The following POU6F1 variants were observed in gnomAD, a reference collection of about 807,000 sequenced individuals.
The protein encoded by POU6F1 is POU class 6 homeobox 1.
In POU6F1, 9 loss-of-function variants were observed where a neutral mutation model predicts 28.9. The ratio of observed to expected loss-of-function variants is 0.31; its 90% CI spans 0.19 to 0.54. The LOEUF is 0.54. Ranked by LOEUF, POU6F1 falls within the 20% of genes least tolerant of loss-of-function variation. POU6F1 has a pLI of 0.94. For synonymous variants in POU6F1, 173 were observed against 171.1 expected, an observed-to-expected ratio of 1.01 and a Z score of -0.09; for missense variants, 338 against 426.1, an observed-to-expected ratio of 0.79 and a Z score of 1.82.
At position 51,196,247 on chromosome 12, in the gene POU6F1, C is replaced by A. The variant is rs1010571159; in HGVS notation, c.976-74G>T. On this transcript the variant is annotated intron_variant, in intron 7 of 10. Coordinates refer to ENST00000333640, the MANE Select transcript of POU6F1 (RefSeq NM_001330422.2). ...TCCACCCCAAACCCAGATCCCCACA[C>A]CACCAGGGGAACAGACTAATGGACA... The A allele has an allele frequency of 1.9e-5, 24 of 1,236,162 alleles. No homozygotes were observed. In the Admixed American group the frequency reaches 7.1e-4, roughly 37 times the overall value. The allele number at this position is 1,236,162 out of a possible 1,614,324, so 76.6% of individuals were successfully genotyped here.
intron 3 of POU6F1, chr12:51,201,652 G>A (rs1380065719): frequency 1.3e-5 from 2 of 152,018 alleles, no homozygotes. Flanking sequence ...AAATGGGAAA[G>A]TGACAAACAT....
rs1042831360 is a variant in POU6F1, at chr12:51,190,625, G to C, written c.1491-33C>G. On this transcript the variant is annotated intron_variant, in intron 10 of 10. Transcript: ENST00000333640. The surrounding 1 kb of genome is among the most constrained non-coding windows in gnomAD (Gnocchi z 4.5). The stretch of plus-strand genomic sequence containing the variant: ...CAACCCATACCCAGGAAGAGGCAGT[G>C]AGAGCATGTTGGTCTCTTTGGCACA... 1 of 1,603,004 alleles carries C rather than the reference G, an allele frequency of 6.2e-7. No individual in the cohort carries two copies. The highest frequency in any genetic ancestry group is 1.3e-5 in the African/African-American group (1 of 74,646).
In POU6F1 at chr12:51,195,855, G is replaced by A. The variant is rs549079050; in HGVS notation, c.1179+115C>T. 3.5e-5 allele frequency: 42 copies of A among 1,210,264 alleles called. 1 individual carries two copies. The highest frequency in any genetic ancestry group is 1.7e-4 in the South Asian group (11 of 65,074). 75.0% of individuals were successfully genotyped at this position (1,210,264 alleles called of 1,614,324 possible). Reference sequence around the variant, plus strand: ...TGGGACCTCCCCCACTTTAGGAAGCGCCCTGCACTCCCAGGAGTTTCAGAA... The same window carrying A: ...TGGGACCTCCCCCACTTTAGGAAGCACCCTGCACTCCCAGGAGTTTCAGAA... On this transcript the variant is annotated intron_variant, in intron 8 of 10. Transcript: ENST00000333640.
At chr12:51,193,950 A>G (rs962412546) in intron 8 of POU6F1, among the ~76,000 whole-genome samples, 1 of 152,270 alleles carries the variant, frequency 6.6e-6, no homozygotes, top group East Asian at 1.9e-4. Flanking sequence ...CCTTTGACTT[A>G]GTTCAGAGCT....
At chr12:51,198,835 C>T (rs764537511) in intron 4 of POU6F1, 60 bp from the exon 5 acceptor site, 8 of 398,232 alleles carry the variant, frequency 2.0e-5, no homozygotes, top group East Asian at 3.6e-5. Flanking sequence ...ACATTGACAG[C>T]GCAAACACTG....
At chr12:51,196,776 C>G (rs777698039) in intron 7 of POU6F1, 23 bp downstream of exon 7, 7 of 1,613,314 alleles carry the variant, frequency 4.3e-6, no homozygotes, top group Non-Finnish European at 5.9e-6. Flanking sequence ...CCCCACCCTC[C>G]AGCCCTGTCT....
At chr12:51,211,889 G>C (rs1241911016) in intron 1 of POU6F1, among the ~76,000 whole-genome samples, 1 of 152,134 alleles carries the variant, frequency 6.6e-6, no homozygotes. Context: ...TTCAGCGGGG[G>C]AGAATGAGCT....
chr12:51,191,914 C>T, intron 9 of POU6F1, 150 bp from the exon 10 acceptor site: 1 of 1,018,740 alleles, frequency 9.8e-7, no homozygotes. Context: ...CACCTTTGTC[C>T]CCAAGACAAG....
At chr12:51,214,248 T>G (rs556377761) in intron 1 of POU6F1, among the ~76,000 whole-genome samples, 1 of 152,252 alleles carries the variant, frequency 6.6e-6, no homozygotes, top group East Asian at 1.9e-4. Context: ...ATCATGTAAA[T>G]GAAATGCTTA....
chr12:51,201,412 C>T (rs1048701817), intron 3 of POU6F1, among the ~76,000 whole-genome samples: 5 of 151,892 alleles, frequency 3.3e-5, no homozygotes, highest in South Asian at 2.1e-4. Context: ...TGCAGTAGCC[C>T]ACGCCTGTAA....
At chr12:51,194,052 A>T (rs576472533) in intron 8 of POU6F1, among the ~76,000 whole-genome samples, 10 of 151,920 alleles carry the variant, frequency 6.6e-5, no homozygotes, top group Non-Finnish European at 1.0e-4. Flanking sequence ...TTTGAGACGG[A>T]GTCTCACTTT....
intron 8 of POU6F1, among the ~76,000 whole-genome samples, chr12:51,193,313 C>T (rs1002718736): frequency 2.6e-5 from 4 of 152,128 alleles, no homozygotes; most frequent in East Asian, 1.9e-4. Flanking sequence ...TGTGGTCGGG[C>T]GCGGTGGCTC....
At chr12:51,213,564 G>A (rs992764598) in intron 1 of POU6F1, among the ~76,000 whole-genome samples, 3 of 151,596 alleles carry the variant, frequency 2.0e-5, no homozygotes, top group African/African-American at 7.3e-5. Flanking sequence ...ACGAGGACTT[G>A]CTCTTGTTGC....
At chr12:51,195,943 A>ACC (rs1294589608) in intron 8 of POU6F1, 27 bp downstream of exon 8, 46 of 162,622 alleles carry the variant, frequency 2.8e-4, no homozygotes, top group African/African-American at 2.3e-3. Context: ...AGCCTGCCCC[A>ACC]CCCCCCACCC....
intron 1 of POU6F1, among the ~76,000 whole-genome samples, chr12:51,216,187 C>CA (rs982935164): frequency 2.6e-4 from 39 of 151,524 alleles, no homozygotes; most frequent in African/African-American, 9.0e-4. Context: ...GACTCTGTCT[C>CA]AAAAAAAAGA....
chr12:51,206,376 T>C (rs1943617533), intron 2 of POU6F1, among the ~76,000 whole-genome samples: 1 of 151,070 alleles, frequency 6.6e-6, no homozygotes, highest in East Asian at 2.0e-4. Context: ...TGAGCCGAGA[T>C]TGCGCCACTG....
Position 51,203,676 on chromosome 12 carries a change from C to A in POU6F1, c.244+497G>T, listed in dbSNP as rs150402136. On this transcript the variant is annotated intron_variant, in intron 3 of 10. Coordinates refer to ENST00000333640, the MANE Select transcript of POU6F1 (RefSeq NM_001330422.2). ...CCTCCTCTTCTTGGCCCACCCCCAC[C>A]AGTCCAGATCTCCAGTCAAGGGAAG... is the stretch of plus-strand genomic sequence containing the variant. 5.8e-4 allele frequency among the ~76,000 whole-genome samples: 88 copies of A among 152,220 alleles called. 1 individual carries two copies. The Middle Eastern group carries it at 0.01, about 18-fold the overall frequency.
Position 51,199,804 on chromosome 12 carries a change from T to C in POU6F1, c.309A>G (p.Pro103=). 2.5e-6 allele frequency: 1 copy of C among 399,182 alleles called. No individual in the cohort carries two copies. Among genetic ancestry groups the C allele is most frequent in the Non-Finnish European group, 4.4e-6 (1 of 226,182 alleles). The allele number at this position is 399,182 out of a possible 1,614,324, so 24.7% of individuals were successfully genotyped here. The change falls in exon 4 of 11, where the codon CCA becomes CCG. Residue 103 remains proline, a synonymous_variant. Transcript: ENST00000333640. The surrounding 1 kb of genome is among the most constrained non-coding windows in gnomAD (Gnocchi z 4.1). ...ATAIATFSQA[P]SQPQASQTLT... The stretch of plus-strand genomic sequence containing the variant: ...GGGTCTGCGATGCCTGAGGCTGGCT[T>C]GGGGCTTGGCTGAAGGTGGCAATGG...
chr12:51,196,084 G>C lies in POU6F1; in HGVS notation c.1065C>G (p.Pro355=), dbSNP rs1942802486. The part of the protein sequence containing the change: ...AQSLQVQAVT[P]QLLLNAQGQV... ...GGCCCTGGGCGTTCAACAACAGCTG[G>C]GGGGTCACGGCCTGGACCTGCAGGC... The change falls in exon 8 of 11, where the codon CCC becomes CCG. Residue 355 remains proline, a synonymous_variant. Coordinates refer to ENST00000333640, the MANE Select transcript of POU6F1 (RefSeq NM_001330422.2). 2.5e-6 allele frequency: 4 copies of C among 1,606,084 alleles called. No individual in the cohort carries two copies. The highest frequency in any genetic ancestry group is 2.5e-6 in the Non-Finnish European group (3 of 1,176,862).
Sources: allele counts gnomAD v4.1 joint callset (sites outside exome capture counted in the v4.1 genomes callset), GRCh38; gene constraint gnomAD v4.1.1; non-coding constraint Gnocchi (gnomAD v3.1); transcripts MANE v1.5; gene names NCBI Gene and HGNC (gene_info 2026-07-23, HGNC 2026-07-21).